SPINK8: variants seen among roughly 807,000 people sequenced by gnomAD.
SPINK8 encodes serine peptidase inhibitor Kazal type 8 (putative), also known as serine protease inhibitor Kazal-type 8.
Under a neutral mutation model 14.4 loss-of-function variants are expected in SPINK8, and 12 were observed. That is an observed-to-expected ratio of 0.83 (90% confidence interval 0.53 to 1.35). The LOEUF is 1.35. SPINK8 is among the 40% of genes most tolerant of loss of function. The probability of loss-of-function intolerance (pLI) is 0.00; values close to 1 mark genes in which losing one functional copy is unlikely to be tolerated. For missense variants in SPINK8, 103 were observed against 117.0 expected, an observed-to-expected ratio of 0.88 and a Z score of 0.55; for synonymous variants, 32 against 37.6, an observed-to-expected ratio of 0.85 and a Z score of 0.55.
intron 3 of SPINK8, among the ~76,000 whole-genome samples, chr3:48,328,617 A>G (rs1405091589): frequency 6.6e-6 from 1 of 152,240 alleles, no homozygotes; most frequent in East Asian, 1.9e-4. Context: ...AAGGGAAAGA[A>G]TAAATACTAA....
chr3:48,319,455 C>A (rs1164600441), intron 6 of SPINK8, 42 bp downstream of exon 6: 1 of 1,612,548 alleles, frequency 6.2e-7, no homozygotes, highest in Non-Finnish European at 8.5e-7. Flanking sequence ...CCACTCTTAA[C>A]CTCTTGACTT....
rs139111766 is a variant in SPINK8, at chr3:48,331,667, G to A, written c.-136+699C>T. On this transcript the variant is annotated intron_variant, in intron 2 of 7. Coordinates refer to ENST00000434006, the MANE Select transcript of SPINK8 (RefSeq NM_001080525.3). ...TAATGGCCCCTGTTTTTGCTAGAAT[G>A]TCTCTCCCTAACAAGGGAATGGGGC... 5.7e-3 allele frequency among the ~76,000 whole-genome samples: 862 copies of A among 152,168 alleles called. 11 individuals carry two copies. The highest frequency in any genetic ancestry group is 0.018 in the African/African-American group (755 of 41,514).
At chr3:48,329,582 GTTATT>G (rs2036188685) in intron 2 of SPINK8, among the ~76,000 whole-genome samples, 1 of 152,218 alleles carries the variant, frequency 6.6e-6, no homozygotes, top group Non-Finnish European at 1.5e-5. Flanking sequence ...TGCATGTGCA[GTTATT>G]TTATCAAGTC....
At chr3:48,326,625 G>A (rs1218995630) in intron 4 of SPINK8, among the ~76,000 whole-genome samples, 2 of 150,494 alleles carry the variant, frequency 1.3e-5, no homozygotes, top group Non-Finnish European at 3.0e-5. Context: ...AAAAAAAGGT[G>A]TGGCCGGGTG....
intron 6 of SPINK8, among the ~76,000 whole-genome samples, chr3:48,317,171 T>C (rs1430485891): frequency 6.6e-6 from 1 of 152,084 alleles, no homozygotes; most frequent in Admixed American, 6.5e-5. Flanking sequence ...CAAAGAAGGA[T>C]GGGGAGAATG....
chr3:48,330,484 A>T (rs995258823), intron 2 of SPINK8, among the ~76,000 whole-genome samples: 1 of 152,200 alleles, frequency 6.6e-6, no homozygotes, highest in South Asian at 2.1e-4. Context: ...GCGCCACTGC[A>T]CTCTAGCTTG....
chr3:48,307,564 A>ATTAGT (rs1360599584), intron 7 of SPINK8, among the ~76,000 whole-genome samples: 3 of 107,892 alleles, frequency 2.8e-5, no homozygotes, highest in African/African-American at 3.9e-5. Flanking sequence ...TTCTGGAATT[A>ATTAGT]TTAGTTTCCT....
At chr3:48,327,235 G>A (rs148408938) in intron 4 of SPINK8, among the ~76,000 whole-genome samples, 22 of 152,302 alleles carry the variant, frequency 1.4e-4, no homozygotes, top group African/African-American at 4.8e-4. Flanking sequence ...CGGTTAAGGA[G>A]AATATAAAAA....
chr3:48,311,162 C>T (rs1239309912), intron 6 of SPINK8, among the ~76,000 whole-genome samples: 2 of 151,654 alleles, frequency 1.3e-5, no homozygotes, highest in Non-Finnish European at 2.9e-5. Flanking sequence ...TGATTCAAAA[C>T]ATACACACAT....
intron 7 of SPINK8, among the ~76,000 whole-genome samples, chr3:48,307,509 ACT>A (rs147091697): frequency 1.8e-5 from 2 of 112,336 alleles, no homozygotes; most frequent in African/African-American, 3.9e-5. Flanking sequence ...TTCTCTTCCT[ACT>A]CTCTCTCTCT....
intron 6 of SPINK8, among the ~76,000 whole-genome samples, 153 bp from the exon 7 acceptor site, chr3:48,310,099 AT>A (rs2035906010): frequency 6.6e-6 from 1 of 152,166 alleles, no homozygotes; most frequent in Non-Finnish European, 1.5e-5. Flanking sequence ...TACTATATGA[AT>A]TTTTATTTGT....
chr3:48,326,175 G>A (rs561681001), intron 4 of SPINK8, among the ~76,000 whole-genome samples: 1 of 152,280 alleles, frequency 6.6e-6, no homozygotes, highest in South Asian at 2.1e-4. Flanking sequence ...AGCTTAGGGA[G>A]AGAAGAAAAA....
At position 48,319,604 on chromosome 3, in the gene SPINK8, C is replaced by A; in HGVS notation, c.132G>T (p.Lys44Asn). 3 of 1,613,864 alleles carry A rather than the reference C, an allele frequency of 1.9e-6. No homozygotes were observed. Among genetic ancestry groups the A allele is most frequent in the South Asian group, 1.1e-5 (1 of 91,068 alleles). ...QLDKTIVECL[K>N]NVNKCWFLSY... ...ATAAAAACCAGCACTTATTTACATT[C>A]TTGAGGCATTCAACCTGAAGGTGAG... The change falls in exon 6 of 8, where the codon AAG becomes AAT. Residue 44 changes from lysine to asparagine, a missense_variant. Transcript: ENST00000434006.
intron 4 of SPINK8, among the ~76,000 whole-genome samples, chr3:48,324,890 G>T (rs1382651192): frequency 6.6e-6 from 1 of 152,040 alleles, no homozygotes; most frequent in Non-Finnish European, 1.5e-5. Context: ...AAAGTTTGAG[G>T]TGATGTCTCC....
At chr3:48,319,718 A>G (rs1399126391) in intron 5 of SPINK8, 100 bp from the exon 6 acceptor site, 14 of 1,505,274 alleles carry the variant, frequency 9.3e-6, no homozygotes, top group Non-Finnish European at 1.2e-5. Context: ...CGAGCACCAG[A>G]TCAGGAGTTC....
At chr3:48,332,080 C>T (rs1046229011) in intron 2 of SPINK8, among the ~76,000 whole-genome samples, 2 of 152,152 alleles carry the variant, frequency 1.3e-5, no homozygotes, top group African/African-American at 2.4e-5. Flanking sequence ...TATTTCTATT[C>T]GGACAATCTT....
intron 4 of SPINK8, among the ~76,000 whole-genome samples, chr3:48,321,939 A>C (rs1246581225): frequency 2.0e-5 from 3 of 149,276 alleles, no homozygotes; most frequent in Non-Finnish European, 4.4e-5. Flanking sequence ...CAGCCTCCCA[A>C]GTGGCTGGGA....
At chr3:48,318,964 A>G (rs988243574) in intron 6 of SPINK8, among the ~76,000 whole-genome samples, 1 of 152,178 alleles carries the variant, frequency 6.6e-6, no homozygotes, top group African/African-American at 2.4e-5. Flanking sequence ...TGGGCTAAAC[A>G]ATTGGGCGTT....
At chr3:48,313,392 C>T (rs1297114726) in intron 6 of SPINK8, among the ~76,000 whole-genome samples, 1 of 152,140 alleles carries the variant, frequency 6.6e-6, no homozygotes, top group Non-Finnish European at 1.5e-5. Flanking sequence ...CCTCATTAGT[C>T]ATTAGAGAAA....
Sources: gnomAD v4.1 joint callset for allele counts (sites outside exome capture counted in the v4.1 genomes callset) on GRCh38, gnomAD v4.1.1 for gene constraint, MANE v1.5 for transcripts, NCBI Gene and HGNC (gene_info 2026-07-23, HGNC 2026-07-21) for gene names.